Variants in GSN observed in about 807,000 individuals in gnomAD.
GSN encodes the protein actin-depolymerizing factor.
Under a neutral mutation model 85.7 loss-of-function variants are expected in GSN, and 56 were observed. That is an observed-to-expected ratio of 0.65 (90% CI 0.53 to 0.82). The LOEUF is 0.82. GSN is among the 40% of genes least tolerant of loss of function. The pLI, the probability that GSN is intolerant of heterozygous loss-of-function variation, is 0.00. For synonymous variants in GSN, 373 were observed against 399.1 expected, an observed-to-expected ratio of 0.93 and a Z score of 0.78; for missense variants, 857 against 979.8, an observed-to-expected ratio of 0.87 and a Z score of 1.67.
intron 4 of GSN, among the ~76,000 whole-genome samples, chr9:121,214,902 T>C (rs997676340): frequency 6.6e-6 from 1 of 152,208 alleles, no homozygotes; most frequent in Admixed American, 6.5e-5. Context: ...CCTTGTTGTA[T>C]GAGCTTCCTA....
intron 1 of GSN, among the ~76,000 whole-genome samples, chr9:121,275,866 G>A (rs1357952311): frequency 3.3e-5 from 5 of 152,030 alleles, no homozygotes; most frequent in East Asian, 1.9e-4. Context: ...CCATCTTTAG[G>A]GTTGCCTTAT....
At chr9:121,251,187 C>CTTGTGTTTTTTTTTTTTTTTTTTTTT (rs2054825141) in intron 6 of GSN, among the ~76,000 whole-genome samples, 1 of 73,044 alleles carries the variant, frequency 1.4e-5, no homozygotes, top group Non-Finnish European at 2.2e-5. Flanking sequence ...CTGATGTGTT[C>CTTGTGTTTTTTTTTTTTTTTTTTTTT]TTTTTTTTTT....
intron 7 of GSN, 112 bp downstream of exon 7, chr9:121,314,135 G>A: frequency 1.2e-6 from 1 of 850,894 alleles, no homozygotes; most frequent in Non-Finnish European, 2.0e-6. Context: ...CCCCTTTGGA[G>A]GGGGGCCTCA....
chr9:121,266,793 G>A (rs1367565697), upstream of GSN, among the ~76,000 whole-genome samples: 1 of 152,176 alleles, frequency 6.6e-6, no homozygotes, highest in Non-Finnish European at 1.5e-5. Context: ...GGGAAGCCCA[G>A]AGCATGGCAT....
At chr9:121,326,254 G>C (rs1047301211) in intron 12 of GSN, among the ~76,000 whole-genome samples, 3 of 151,914 alleles carry the variant, frequency 2.0e-5, no homozygotes, top group Non-Finnish European at 4.4e-5. Flanking sequence ...TCTTGGACCA[G>C]GCTGAGGATC....
chr9:121,294,451 T>C lies in GSN; in HGVS notation c.-9-7512T>C, dbSNP rs558208773. Reference sequence around the variant, plus strand: ...CCCAGAGCTCATACCCATGGCCAAATCTGGCTGCTTCCAGGACATGGGGTC... The same window carrying C: ...CCCAGAGCTCATACCCATGGCCAAACCTGGCTGCTTCCAGGACATGGGGTC... On this transcript the variant is annotated intron_variant, in intron 2 of 17. Coordinates refer to ENST00000432226, the MANE Select transcript of GSN (RefSeq NM_198252.3). 1.6e-3 allele frequency among the ~76,000 whole-genome samples: 241 copies of C among 152,210 alleles called. 1 individual carries two copies. The highest frequency in any genetic ancestry group is 5.3e-3 in the African/African-American group (221 of 41,546).
At position 121,299,920 on chromosome 9, in the gene GSN, C is replaced by G. The variant is rs1202263036; in HGVS notation, c.-9-2043C>G. 13 of 1,261,934 alleles carry G rather than the reference C, an allele frequency of 1.0e-5. No individual in the cohort carries two copies. The highest frequency in any genetic ancestry group is 1.2e-5 in the Non-Finnish European group (12 of 1,000,918). The allele number at this position is 1,261,934 out of a possible 1,614,324, so 78.2% of individuals were successfully genotyped here. A position where few individuals can be genotyped will look rare whatever the true frequency, so the allele number is the denominator to read the frequency against. On this transcript the variant is annotated intron_variant, in intron 2 of 17. Coordinates refer to ENST00000432226, the MANE Select transcript of GSN (RefSeq NM_198252.3). This position sits in a 1 kb window ranked among gnomAD's most constrained non-coding sequence, Gnocchi z 4.2. Reference sequence around the variant, plus strand: ...TGCGCGCTGTCCCTGGCGCTGTGCGCGCTGTCGCTGCCCGTCCGCGCGGCC... The same window carrying G: ...TGCGCGCTGTCCCTGGCGCTGTGCGGGCTGTCGCTGCCCGTCCGCGCGGCC...
At chr9:121,282,217 G>A in intron 2 of GSN, 1 of 564,918 alleles carries the variant, frequency 1.8e-6, no homozygotes, top group Non-Finnish European at 3.3e-6. Flanking sequence ...CCTGTAGGAT[G>A]GGTGCCTTGG....
At chr9:121,297,946 A>C (rs974061473) in intron 2 of GSN, 9 of 152,216 alleles carry the variant, frequency 5.9e-5, no homozygotes, top group Admixed American at 5.9e-4. Flanking sequence ...TTCCATTAAG[A>C]GCCTATGGGA....
rs968592882 is a variant in GSN at position 121,261,886 on chromosome 9, A to C, written c.-340-3268A>C. 6.6e-6 allele frequency among the ~76,000 whole-genome samples: 1 copy of C among 152,242 alleles called. No homozygotes were observed. The highest frequency in any genetic ancestry group is 1.5e-5 in the Non-Finnish European group (1 of 68,032). On this transcript the variant is annotated intron_variant, in intron 6 of 24. Coordinates refer to the GSN transcript ENST00000373823. This position sits in a 1 kb window ranked among gnomAD's most constrained non-coding sequence, Gnocchi z 4.1. Reference sequence around the variant, plus strand: ...ATATTATCATCAGAGGAAGAAACCAAGGCTCAGAGAGGTTGAGTAACTCAG... The same window carrying C: ...ATATTATCATCAGAGGAAGAAACCACGGCTCAGAGAGGTTGAGTAACTCAG...
intron 2 of GSN, among the ~76,000 whole-genome samples, chr9:121,294,085 C>T (rs896321029): frequency 4.6e-5 from 7 of 152,170 alleles, no homozygotes; most frequent in Non-Finnish European, 8.8e-5. Context: ...CTTGGAAAGT[C>T]CTTCCTCTGC....
intron 6 of GSN, among the ~76,000 whole-genome samples, chr9:121,256,440 T>TA (rs1588497403): frequency 6.6e-6 from 1 of 152,112 alleles, no homozygotes; most frequent in East Asian, 1.9e-4. Flanking sequence ...GAAAGACAAA[T>TA]ACTGCATGTT....
chr9:121,299,198 A>C lies in GSN; in HGVS notation c.-9-2765A>C, dbSNP rs2059509546. ...CACTTTTTAAAAAGAAGGAAAGAAA[A>C]GTAGGAGGGGCTATCCCAGGAGCTG... On this transcript the variant is annotated intron_variant, in intron 2 of 17. Coordinates refer to ENST00000432226, the MANE Select transcript of GSN (RefSeq NM_198252.3). The surrounding 1 kb of genome is among the most constrained non-coding windows in gnomAD (Gnocchi z 4.2). 1 of 399,852 alleles carries C rather than the reference A, an allele frequency of 2.5e-6. No individual in the cohort carries two copies. The highest frequency in any genetic ancestry group is 1.0e-4 in the South Asian group (1 of 9,784). The allele number at this position is 399,852 out of a possible 1,614,324, so 24.8% of individuals were successfully genotyped here. A position where few individuals can be genotyped will look rare whatever the true frequency, so the allele number is the denominator to read the frequency against.
chr9:121,231,927 C>T (rs1249587695), intron 5 of GSN, among the ~76,000 whole-genome samples: 3 of 152,072 alleles, frequency 2.0e-5, no homozygotes, highest in Admixed American at 2.0e-4. Context: ...ATTAGCCAGT[C>T]ATGGTGGCGG....
At position 121,228,420 on chromosome 9, in the gene GSN, ATATATTTTTT is replaced by A. The variant is rs1304577519; in HGVS notation, c.-527-2743_-527-2734del. The stretch of plus-strand genomic sequence containing the variant: ...TTGATTAACATATATATATATATAT[ATATATTTTTT>A]TTTTTTTTTTTTTTTTTTTTTGAGA... On this transcript the variant is annotated intron_variant, in intron 4 of 24. Transcript: ENST00000373823. Among the ~76,000 whole-genome samples the A allele has an allele frequency of 7.7e-4, 44 of 56,982 alleles. 1 individual carries two copies. The highest frequency in any genetic ancestry group is 4.6e-3 in the African/African-American group (43 of 9,312). 37.4% of individuals were successfully genotyped at this position (56,982 alleles called of 152,430 possible). A position where few individuals can be genotyped will look rare whatever the true frequency, so the allele number is the denominator to read the frequency against.
intron 2 of GSN, among the ~76,000 whole-genome samples, chr9:121,292,262 T>G (rs559277938): frequency 6.6e-6 from 1 of 152,242 alleles, no homozygotes; most frequent in South Asian, 2.1e-4. Flanking sequence ...GGGGGTGTCA[T>G]TAGGAGTCTC....
intron 5 of GSN, among the ~76,000 whole-genome samples, chr9:121,242,667 A>G (rs1276953888): frequency 1.3e-5 from 2 of 152,170 alleles, no homozygotes; most frequent in Non-Finnish European, 2.9e-5. Context: ...TCATTCCTTG[A>G]CAGCGCAGCT....
chr9:121,252,744 T>C (rs2054866545), intron 6 of GSN, among the ~76,000 whole-genome samples: 2 of 152,216 alleles, frequency 1.3e-5, no homozygotes, highest in Admixed American at 1.3e-4. Context: ...GCATTGGATA[T>C]GTGTCATGAG....
At chr9:121,280,241 C>T (rs550948781) in intron 1 of GSN, 9 of 152,200 alleles carry the variant, frequency 5.9e-5, no homozygotes, top group Non-Finnish European at 1.0e-4. Context: ...TTCTTAGTGG[C>T]GAAGAACGGT....
Sources: gnomAD v4.1 joint callset for allele counts (sites outside exome capture counted in the v4.1 genomes callset) on GRCh38, gnomAD v4.1.1 for gene constraint, Gnocchi (gnomAD v3.1) non-coding constraint, MANE v1.5 for transcripts, NCBI Gene and HGNC (gene_info 2026-07-23, HGNC 2026-07-21) for gene names.